Variants in CLU observed in about 807,000 individuals in gnomAD.
The protein encoded by CLU is clusterin, also known as aging-associated protein 4.
In CLU, 25 loss-of-function variants were observed where a neutral mutation model predicts 46.4. That is an observed-to-expected ratio of 0.54 (90% confidence interval 0.39 to 0.75). The LOEUF (loss-of-function observed/expected upper bound fraction) is 0.75. CLU is among the 30% of genes least tolerant of loss of function. CLU has a pLI of 0.00. For synonymous variants in CLU, 235 were observed against 235.1 expected, an observed-to-expected ratio of 1.00 and a Z score of 0.00; for missense variants, 504 against 592.1, an observed-to-expected ratio of 0.85 and a Z score of 1.54.
At chr8:27,610,368 G>T (rs1800900755) in intron 2 of CLU, 107 bp downstream of exon 2, 1 of 924,320 alleles carries the variant, frequency 1.1e-6, no homozygotes, top group Non-Finnish European at 1.8e-6. Flanking sequence ...GATAAAAACG[G>T]TCTGTAACAC....
chr8:27,606,651 A>G (rs1036335032), intron 3 of CLU, 127 bp from the exon 4 acceptor site: 1 of 1,051,114 alleles, frequency 9.5e-7, no homozygotes, highest in East Asian at 2.4e-5. Context: ...CCAGCATGCA[A>G]GTGCCTACCC....
Position 27,598,654 on chromosome 8 carries a change from A to G in CLU, c.1165-19T>C, listed in dbSNP as rs1800660773. 6.2e-7 allele frequency: 1 copy of G among 1,613,244 alleles called. No individual in the cohort carries two copies. The highest frequency in any genetic ancestry group is 8.5e-7 in the Non-Finnish European group (1 of 1,179,534). ...AAGCCACCTAAATGGAACAAGAGAA[A>G]AGGGAAGAGCTGAAACACTGTGGTC... On this transcript the variant is annotated intron_variant, in intron 7 of 8. Transcript: ENST00000316403.
chr8:27,604,769 A>G (rs373928706), intron 5 of CLU, among the ~76,000 whole-genome samples, 155 bp downstream of exon 5: 1 of 152,228 alleles, frequency 6.6e-6, no homozygotes, highest in Non-Finnish European at 1.5e-5. Context: ...ATGAGCCACC[A>G]TGCCCAGCTC....
At chr8:27,604,112 A>T in intron 6 of CLU, 179 bp downstream of exon 6, 1 of 631,406 alleles carries the variant, frequency 1.6e-6, no homozygotes, top group East Asian at 2.8e-5. Context: ...TCATTCTAAG[A>T]TGAGGAACCG....
At chr8:27,608,255 A>G (rs1314510323) in intron 3 of CLU, among the ~76,000 whole-genome samples, 1 of 152,224 alleles carries the variant, frequency 6.6e-6, no homozygotes, top group African/African-American at 2.4e-5. Context: ...GGAGTTACAC[A>G]GGTTTCTTTA....
intron 6 of CLU, 71 bp downstream of exon 6, chr8:27,604,220 C>T (rs1800771805): frequency 1.7e-6 from 2 of 1,183,270 alleles, no homozygotes; most frequent in Admixed American, 3.4e-5. Flanking sequence ...AAGGCAGCAC[C>T]AGTGAGGCCC....
In CLU at chr8:27,599,416, G is replaced by A; in HGVS notation, c.1164+364C>T. Reference sequence around the variant, plus strand: ...CATAAGCCATTTTACATGCCAGAGGGCAGCCTTGTAGCTTTGAGAAAAGAA... The same window carrying A: ...CATAAGCCATTTTACATGCCAGAGGACAGCCTTGTAGCTTTGAGAAAAGAA... On this transcript the variant is annotated intron_variant, in intron 7 of 8. Coordinates refer to ENST00000316403, the MANE Select transcript of CLU (RefSeq NM_001831.4). This position sits in a 1 kb window ranked among gnomAD's most constrained non-coding sequence, Gnocchi z 4.0. 1 of 289,396 alleles carries A rather than the reference G, an allele frequency of 3.5e-6. No homozygotes were observed. The highest frequency in any genetic ancestry group is 3.9e-5 in the South Asian group (1 of 25,632). The allele number at this position is 289,396 out of a possible 1,614,324, so 17.9% of individuals were successfully genotyped here.
rs1800878169 is a variant in CLU at position 27,609,190 on chromosome 8, G to A, written c.98-104C>T. The A allele has an allele frequency of 3.9e-6, 5 of 1,284,642 alleles. No individual in the cohort carries two copies. The Admixed American group carries it at 8.5e-5, about 22-fold the overall frequency. The allele number at this position is 1,284,642 out of a possible 1,614,324, so 79.6% of individuals were successfully genotyped here. A position where few individuals can be genotyped will look rare whatever the true frequency, so the allele number is the denominator to read the frequency against. On this transcript the variant is annotated intron_variant, in intron 2 of 8. Coordinates refer to ENST00000316403, the MANE Select transcript of CLU (RefSeq NM_001831.4). The stretch of plus-strand genomic sequence containing the variant: ...GAAAGGCCCGTTCAGTTCAGGGGCT[G>A]TCAAGGCTGGGACCCCCACTCCTGC...
Position 27,604,259 on chromosome 8 carries a change from G to A in CLU, c.934+32C>T, listed in dbSNP as rs769745301. The A allele has an allele frequency of 2.6e-6, 4 of 1,564,652 alleles. No individual in the cohort carries two copies. The African/African-American group carries it at 5.4e-5, about 21-fold the overall frequency. ...TGACCCCAGGACACAAGGGATCAGGGGGGACGGCTTGTGGTCTGGACCCCG... is the reference window on the plus strand; with the variant it reads ...TGACCCCAGGACACAAGGGATCAGGAGGGACGGCTTGTGGTCTGGACCCCG... On this transcript the variant is annotated intron_variant, in intron 6 of 8. Transcript: ENST00000316403.
At chr8:27,598,776 A>G (rs1800663322) in intron 7 of CLU, 141 bp from the exon 8 acceptor site, 1 of 774,398 alleles carries the variant, frequency 1.3e-6, no homozygotes. Context: ...TGCTTCTTAT[A>G]CATCTAGACG....
chr8:27,606,644 G>C (rs1394980446), intron 3 of CLU, 120 bp from the exon 4 acceptor site: 1 of 1,104,934 alleles, frequency 9.1e-7, no homozygotes, highest in Non-Finnish European at 1.4e-6. Context: ...TGGCCACCCA[G>C]CATGCAAGTG....
intron 6 of CLU, among the ~76,000 whole-genome samples, chr8:27,600,313 C>T (rs750484306): frequency 2.6e-5 from 4 of 151,968 alleles, no homozygotes; most frequent in Admixed American, 6.5e-5. Context: ...CGGCTCACTG[C>T]AGCCTTGACT....
chr8:27,599,698 C>G lies in CLU; in HGVS notation c.1164+82G>C, dbSNP rs1261417945. Reference sequence around the variant, plus strand: ...TCTATTTTCTGCCGTGTGATAAATGCTCAGTCAAAAGCACACATGCCCCTG... The same window carrying G: ...TCTATTTTCTGCCGTGTGATAAATGGTCAGTCAAAAGCACACATGCCCCTG... On this transcript the variant is annotated intron_variant, in intron 7 of 8. Coordinates refer to ENST00000316403, the MANE Select transcript of CLU (RefSeq NM_001831.4). This position sits in a 1 kb window ranked among gnomAD's most constrained non-coding sequence, Gnocchi z 4.0. 1.9e-6 allele frequency: 2 copies of G among 1,051,086 alleles called. No homozygotes were observed. The highest frequency in any genetic ancestry group is 2.9e-6 in the Non-Finnish European group (2 of 692,200). The allele number at this position is 1,051,086 out of a possible 1,614,324, so 65.1% of individuals were successfully genotyped here.
At chr8:27,606,630 A>G (rs919768332) in intron 3 of CLU, 106 bp from the exon 4 acceptor site, 67 of 1,371,478 alleles carry the variant, frequency 4.9e-5, no homozygotes, top group Non-Finnish European at 6.4e-5. Flanking sequence ...GCCTTCCCAT[A>G]GGCTGGCCAC....
intron 3 of CLU, among the ~76,000 whole-genome samples, chr8:27,607,949 A>T (rs986168607): frequency 6.6e-6 from 1 of 152,172 alleles, no homozygotes; most frequent in South Asian, 2.1e-4. Flanking sequence ...CTCCAAATGT[A>T]TGTGATGTGC....
At chr8:27,603,731 C>T (rs562500765) in intron 6 of CLU, among the ~76,000 whole-genome samples, 5 of 152,296 alleles carry the variant, frequency 3.3e-5, no homozygotes, top group South Asian at 2.1e-4. Context: ...GAGAACACAG[C>T]GCCCTAGGAT....
rs745650724 is a variant in CLU, at chr8:27,605,355, C to T, written c.418-20G>A. ...CTCAAGCTGGGACAGCCAGCATGGG[C>T]ACAGTTAGGAGAAGCTCACCAAGGC... On this transcript the variant is annotated intron_variant, in intron 4 of 8. Transcript: ENST00000316403. The T allele has an allele frequency of 3.7e-6, 6 of 1,613,876 alleles. No homozygotes were observed. In the East Asian group the frequency reaches 1.1e-4, roughly 30 times the overall value.
chr8:27,611,318 G>A (rs1364889722), intron 1 of CLU: 7 of 455,480 alleles, frequency 1.5e-5, no homozygotes, highest in East Asian at 6.9e-5. Flanking sequence ...GCAGTGGCCC[G>A]AGGAGCAGGC....
At chr8:27,613,413 G>C (rs1800964408) in intron 1 of CLU, among the ~76,000 whole-genome samples, 1 of 149,140 alleles carries the variant, frequency 6.7e-6, no homozygotes, top group South Asian at 2.1e-4. Flanking sequence ...AGAGAGAAAA[G>C]AAAGAAAGAA....
Sources: allele counts gnomAD v4.1 joint callset (sites outside exome capture counted in the v4.1 genomes callset), GRCh38; gene constraint gnomAD v4.1.1; non-coding constraint Gnocchi (gnomAD v3.1); transcripts MANE v1.5; gene names NCBI Gene and HGNC (gene_info 2026-07-23, HGNC 2026-07-21).